SORCS2: variants seen among roughly 807,000 people sequenced by gnomAD.
SORCS2 encodes the protein VPS10 domain-containing receptor SorCS2.
SORCS2 carries 100 observed loss-of-function variants against 141.6 expected under a neutral mutation model. That is an observed-to-expected ratio of 0.71 (90% CI 0.60 to 0.83). The LOEUF is 0.83. Ranked by LOEUF, SORCS2 falls within the 40% of genes least tolerant of loss-of-function variation. The pLI is 0.00. For missense variants in SORCS2, 1,646 were observed against 1,560.2 expected (o/e 1.05, Z -0.93); for synonymous variants, 789 against 676.9 (o/e 1.17, Z -2.57).
intron 1 of SORCS2, among the ~76,000 whole-genome samples, chr4:7,250,899 G>T (rs1411048476): frequency 1.3e-5 from 2 of 152,244 alleles, no homozygotes; most frequent in African/African-American, 4.8e-5. Flanking sequence ...GAACCGCCAC[G>T]ACACCAGGGC....
chr4:7,560,752 G>C (rs978619650), intron 3 of SORCS2, among the ~76,000 whole-genome samples: 2 of 152,122 alleles, frequency 1.3e-5, no homozygotes, highest in Non-Finnish European at 2.9e-5. Context: ...GGGGAGGGGA[G>C]CTTTGCCCGA....
rs751102752 is a variant in SORCS2, at chr4:7,301,632, C to T, written c.481-94656C>T. On this transcript the variant is annotated intron_variant, in intron 1 of 26. Transcript: ENST00000507866. ...CGCCTGCTGCCAGCTGGAAGCCGGG[C>T]GGCCCAAACCCTCTGTGTTCCTCAG... Among the ~76,000 whole-genome samples, 7 of 152,228 alleles carry T rather than the reference C, an allele frequency of 4.6e-5. 1 individual carries two copies. The highest frequency in any genetic ancestry group is 1.9e-4 in the East Asian group (1 of 5,184).
At chr4:7,455,902 G>C (rs1475000672) in intron 2 of SORCS2, among the ~76,000 whole-genome samples, 11 of 152,198 alleles carry the variant, frequency 7.2e-5, no homozygotes, top group Admixed American at 5.2e-4. Context: ...GTTAGCATCA[G>C]ATGCTGTGTT....
chr4:7,723,879 C>T lies in SORCS2; in HGVS notation c.2607C>T (p.Val869=). Residue 869 remains valine (V), a synonymous_variant, in exon 19 of 27, where the codon GTC becomes GTT. Coordinates refer to ENST00000507866, the MANE Select transcript of SORCS2 (RefSeq NM_020777.3). ...GHDEAVLFVQ[V]NSPLQALYLE... is the part of the protein sequence containing the mutation. ...ATGAGGCGGTGCTCTTTGTCCAGGT[C>T]AACTGTAAGTTTATTGCCCCTTTGA... 6.2e-7 allele frequency: 1 copy of T among 1,602,116 alleles called. No individual in the cohort carries two copies.
chr4:7,638,913 G>A (rs1235886260), intron 4 of SORCS2, among the ~76,000 whole-genome samples: 1 of 152,248 alleles, frequency 6.6e-6, no homozygotes, highest in African/African-American at 2.4e-5. Context: ...TTCTCCCCTC[G>A]CCAAGAGCGG....
chr4:7,441,480 G>A (rs549724496), intron 2 of SORCS2, among the ~76,000 whole-genome samples: 5 of 152,146 alleles, frequency 3.3e-5, no homozygotes, highest in East Asian at 3.9e-4. Flanking sequence ...TGTGGGTGCC[G>A]AGGGCTGGGC....
At chr4:7,627,866 C>T (rs1719617287) in intron 3 of SORCS2, among the ~76,000 whole-genome samples, 1 of 152,242 alleles carries the variant, frequency 6.6e-6, no homozygotes, top group Non-Finnish European at 1.5e-5. Flanking sequence ...GACACAAGGA[C>T]TTAGAGGCTT....
In SORCS2 at chr4:7,664,511, T is replaced by C. The variant is rs779309126; in HGVS notation, c.1071+40T>C. On this transcript the variant is annotated intron_variant, in intron 7 of 26. Transcript: ENST00000507866. The surrounding 1 kb of genome is among the most constrained non-coding windows in gnomAD (Gnocchi z 4.7). Reference sequence around the variant, plus strand: ...GGGGCTTTTGGAAATTGGCAACAGGTGACGTGGCGGATGACCCGTTCGCGG... The same window carrying C: ...GGGGCTTTTGGAAATTGGCAACAGGCGACGTGGCGGATGACCCGTTCGCGG... 2 of 1,479,404 alleles carry C rather than the reference T, an allele frequency of 1.4e-6. No individual in the cohort carries two copies. The highest frequency in any genetic ancestry group is 1.2e-5 in the South Asian group (1 of 81,446). 91.6% of individuals were successfully genotyped at this position (1,479,404 alleles called of 1,614,324 possible).
chr4:7,452,334 G>A (rs1439607174), intron 2 of SORCS2, among the ~76,000 whole-genome samples: 2 of 152,144 alleles, frequency 1.3e-5, no homozygotes, highest in Non-Finnish European at 2.9e-5. Flanking sequence ...TAGAGACAGA[G>A]TTTCACCACA....
At chr4:7,219,902 C>T (rs955501339) in intron 1 of SORCS2, among the ~76,000 whole-genome samples, 2 of 152,216 alleles carry the variant, frequency 1.3e-5, no homozygotes, top group Admixed American at 6.5e-5. Flanking sequence ...CACACTTGCA[C>T]CCCTGTCTTC....
chr4:7,480,566 C>T (rs188375501), intron 2 of SORCS2, among the ~76,000 whole-genome samples: 426 of 152,342 alleles, frequency 2.8e-3, no homozygotes, highest in African/African-American at 4.9e-3. Context: ...ACCCAGCCCT[C>T]GCTCCACCCT....
At position 7,294,617 on chromosome 4, in the gene SORCS2, G is replaced by A. The variant is rs143565268; in HGVS notation, c.480+101491G>A. On this transcript the variant is annotated intron_variant, in intron 1 of 26. Transcript: ENST00000507866. Reference sequence around the variant, plus strand: ...CCTCTGGGCCCAGCCAGTACTTGCCGTGGGCAAATCCTCCTAGTTCACCTT... The same window carrying A: ...CCTCTGGGCCCAGCCAGTACTTGCCATGGGCAAATCCTCCTAGTTCACCTT... 8.1e-3 allele frequency among the ~76,000 whole-genome samples: 1,229 copies of A among 151,132 alleles called. 15 individuals are homozygous for A. Among genetic ancestry groups the A allele is most frequent in the African/African-American group, 0.027 (1,096 of 41,062 alleles).
chr4:7,569,542 AAGG>A (rs370896722), intron 3 of SORCS2, among the ~76,000 whole-genome samples: 43 of 152,252 alleles, frequency 2.8e-4, no homozygotes, highest in African/African-American at 9.4e-4. Flanking sequence ...ATATCTACAG[AAGG>A]AGGAGGATAG....
At chr4:7,362,914 TCATCACCATCACCATCATTACTACCAA>T (rs1177986420) in intron 1 of SORCS2, among the ~76,000 whole-genome samples, 7 of 145,120 alleles carry the variant, frequency 4.8e-5, no homozygotes, top group Non-Finnish European at 1.1e-4. Context: ...ATTACTATCA[TCATCACCATCACCATCATTACTACCAA>T]CATCACCATC....
chr4:7,583,608 C>T, intron 3 of SORCS2, among the ~76,000 whole-genome samples: 1 of 152,178 alleles, frequency 6.6e-6, no homozygotes, highest in African/African-American at 2.4e-5. Flanking sequence ...GAATAAGTCT[C>T]ACAAGATCTG....
At chr4:7,473,670 T>C (rs1400172145) in intron 2 of SORCS2, among the ~76,000 whole-genome samples, 1 of 150,750 alleles carries the variant, frequency 6.6e-6, no homozygotes, top group African/African-American at 2.4e-5. Flanking sequence ...GCAGTGATGA[T>C]GGCTGGGCGG....
At chr4:7,314,700 A>G (rs1718439221) in intron 1 of SORCS2, among the ~76,000 whole-genome samples, 1 of 151,408 alleles carries the variant, frequency 6.6e-6, no homozygotes, top group African/African-American at 2.4e-5. Flanking sequence ...TGTGAAGTGG[A>G]GAGCAAGGAG....
At chr4:7,344,889 G>A (rs1004955631) in intron 1 of SORCS2, among the ~76,000 whole-genome samples, 1 of 152,176 alleles carries the variant, frequency 6.6e-6, no homozygotes, top group Non-Finnish European at 1.5e-5. Context: ...TGGATCGGAG[G>A]GGGAGTCTGG....
intron 3 of SORCS2, among the ~76,000 whole-genome samples, chr4:7,623,981 C>G (rs923428813): frequency 6.6e-6 from 1 of 152,314 alleles, no homozygotes; most frequent in South Asian, 2.1e-4. Context: ...TGACTGCCCT[C>G]TCTGGGACTC....
Sources: allele counts gnomAD v4.1 joint callset (sites outside exome capture counted in the v4.1 genomes callset), GRCh38; gene constraint gnomAD v4.1.1; non-coding constraint Gnocchi (gnomAD v3.1); transcripts MANE v1.5; gene names NCBI Gene and HGNC (gene_info 2026-07-23, HGNC 2026-07-21).